SUSD1: variants seen among roughly 807,000 people sequenced by gnomAD.
SUSD1 encodes sushi domain-containing protein 1.
Under a neutral mutation model 86.9 loss-of-function variants are expected in SUSD1, and 65 were observed. The ratio of observed to expected loss-of-function variants is 0.75; its 90% confidence interval spans 0.61 to 0.92. The LOEUF is 0.92. SUSD1 is among the 40% of genes least tolerant of loss of function. The pLI is 0.00. For missense variants in SUSD1, 850 were observed against 929.7 expected, an observed-to-expected ratio of 0.91 and a Z score of 1.11; for synonymous variants, 346 against 350.0, an observed-to-expected ratio of 0.99 and a Z score of 0.13.
At chr9:112,155,854 G>T (rs1215842529) in intron 2 of SUSD1, among the ~76,000 whole-genome samples, 1 of 150,218 alleles carries the variant, frequency 6.7e-6, no homozygotes, top group African/African-American at 2.4e-5. Context: ...AGAAGAGGAA[G>T]AAGAATAAGA....
intron 7 of SUSD1, 126 bp downstream of exon 7, chr9:112,112,645 A>C: frequency 1.6e-6 from 1 of 635,982 alleles, no homozygotes; most frequent in Non-Finnish European, 2.7e-6. Flanking sequence ...CAAAAAAAAT[A>C]AAAGAAAAAA....
intron 12 of SUSD1, among the ~76,000 whole-genome samples, chr9:112,066,270 T>G (rs368191511): frequency 1.3e-5 from 2 of 152,132 alleles, no homozygotes; most frequent in South Asian, 2.1e-4. Context: ...TTGGGGGTCC[T>G]GGGGTGTCAA....
At chr9:112,050,170 A>G (rs1828128422) in intron 15 of SUSD1, among the ~76,000 whole-genome samples, 1 of 152,190 alleles carries the variant, frequency 6.6e-6, no homozygotes, top group Non-Finnish European at 1.5e-5. Flanking sequence ...CTGGCAAAAA[A>G]AAATTTATGA....
chr9:112,055,157 G>A (rs953972384), intron 14 of SUSD1, among the ~76,000 whole-genome samples: 3 of 152,204 alleles, frequency 2.0e-5, no homozygotes, highest in Non-Finnish European at 2.9e-5. Context: ...TGGGAGTGGT[G>A]GCTCATGCCT....
intron 6 of SUSD1, among the ~76,000 whole-genome samples, chr9:112,123,122 A>G (rs1831620147): frequency 6.6e-6 from 1 of 152,232 alleles, no homozygotes; most frequent in Non-Finnish European, 1.5e-5. Flanking sequence ...TCATGTTGCT[A>G]TAAAGGAATA....
chr9:112,065,353 T>G (rs1828930972), intron 12 of SUSD1, among the ~76,000 whole-genome samples: 1 of 151,924 alleles, frequency 6.6e-6, no homozygotes, highest in South Asian at 2.1e-4. Flanking sequence ...TGAAATCCCA[T>G]CTCTAGTAAA....
intron 8 of SUSD1, among the ~76,000 whole-genome samples, chr9:112,109,493 T>C (rs1281521785): frequency 2.0e-5 from 3 of 152,200 alleles, no homozygotes; most frequent in African/African-American, 7.2e-5. Flanking sequence ...TGGCTCAACA[T>C]AAATCCTAAT....
intron 8 of SUSD1, among the ~76,000 whole-genome samples, chr9:112,103,457 C>T (rs774815197): frequency 1.3e-5 from 2 of 152,196 alleles, no homozygotes; most frequent in Non-Finnish European, 2.9e-5. Flanking sequence ...GTAAGAAATG[C>T]ATGTATGTAA....
chr9:112,148,146 G>T lies in SUSD1; in HGVS notation c.373+1098C>A, dbSNP rs557833432. ...TTTCCTGAAAACCTTTAAATATCACGAAGCTTTCCAGCAGAGTCATTAAGT... is the reference window on the plus strand; with the variant it reads ...TTTCCTGAAAACCTTTAAATATCACTAAGCTTTCCAGCAGAGTCATTAAGT... On this transcript the variant is annotated intron_variant, in intron 3 of 16. Coordinates refer to ENST00000374270, the MANE Select transcript of SUSD1 (RefSeq NM_022486.5). Among the ~76,000 whole-genome samples, 68 of 152,244 alleles carry T rather than the reference G, an allele frequency of 4.5e-4. 1 individual carries two copies. Among genetic ancestry groups the T allele is most frequent in the African/African-American group, 1.6e-3 (65 of 41,548 alleles).
chr9:112,056,026 C>T (rs1161668056), intron 14 of SUSD1, among the ~76,000 whole-genome samples: 1 of 152,078 alleles, frequency 6.6e-6, no homozygotes, highest in Non-Finnish European at 1.5e-5. Flanking sequence ...TTTGGGAGGT[C>T]AAGGTGGGAG....
At chr9:112,096,355 C>G (rs962637924) in intron 10 of SUSD1, among the ~76,000 whole-genome samples, 1 of 152,164 alleles carries the variant, frequency 6.6e-6, no homozygotes, top group African/African-American at 2.4e-5. Context: ...ATTTGCCAGT[C>G]TCCTATACAC....
intron 15 of SUSD1, among the ~76,000 whole-genome samples, chr9:112,048,298 T>A (rs1021671053): frequency 1.3e-5 from 2 of 152,192 alleles, no homozygotes; most frequent in Admixed American, 1.3e-4. Context: ...GGTAGATGTA[T>A]ACCAAAGACA....
chr9:112,078,808 TCTC>T, intron 11 of SUSD1, 84 bp from the exon 12 acceptor site: 2 of 1,110,504 alleles, frequency 1.8e-6, no homozygotes, highest in Non-Finnish European at 2.5e-6. Flanking sequence ...CCTTTTTCTT[TCTC>T]TTTTTTTTTT....
At chr9:112,170,878 T>A (rs1168102504) in intron 1 of SUSD1, among the ~76,000 whole-genome samples, 1 of 151,698 alleles carries the variant, frequency 6.6e-6, no homozygotes, top group Non-Finnish European at 1.5e-5. Flanking sequence ...CCCGGCCAAT[T>A]TTTTTTGTAT....
At chr9:112,143,650 A>G in intron 3 of SUSD1, 27 bp from the exon 4 acceptor site, 1 of 1,566,200 alleles carries the variant, frequency 6.4e-7, no homozygotes, top group Non-Finnish European at 8.6e-7. Context: ...AATAGAGAAA[A>G]GGAGATAAAA....
chr9:112,102,125 A>G (rs752525059), intron 9 of SUSD1, 51 bp downstream of exon 9: 39 of 1,140,830 alleles, frequency 3.4e-5, no homozygotes, highest in Non-Finnish European at 4.7e-5. Flanking sequence ...AGATCGCCCA[A>G]ATTTTTAAAT....
At chr9:112,060,167 G>C (rs1172148109) in intron 13 of SUSD1, among the ~76,000 whole-genome samples, 1 of 152,256 alleles carries the variant, frequency 6.6e-6, no homozygotes, top group Admixed American at 6.5e-5. Flanking sequence ...GTTAAGAAGA[G>C]GGAGCCCTCC....
chr9:112,052,545 A>C (rs1828262560), intron 14 of SUSD1, 107 bp from the exon 15 acceptor site: 2 of 1,264,182 alleles, frequency 1.6e-6, no homozygotes, highest in African/African-American at 3.0e-5. Context: ...TCAATCTCTT[A>C]ATCTGAACTA....
At chr9:112,043,105 G>T (rs113021760) in intron 15 of SUSD1, among the ~76,000 whole-genome samples, 5,192 of 152,214 alleles carry the variant, frequency 0.034, 143 homozygotes, top group East Asian at 0.074. Context: ...GACGATAATA[G>T]CCCTTTCCCC....
Sources: gnomAD v4.1 joint callset for allele counts (sites outside exome capture counted in the v4.1 genomes callset) on GRCh38, gnomAD v4.1.1 for gene constraint, MANE v1.5 for transcripts, NCBI Gene and HGNC (gene_info 2026-07-23, HGNC 2026-07-21) for gene names.